The following CAMK4 variants were observed in gnomAD, a reference collection of about 807,000 sequenced individuals.
CAMK4 encodes the protein calcium/calmodulin-dependent protein kinase type IV.
In CAMK4, 22 loss-of-function variants were observed where a neutral mutation model predicts 44.9. That is an observed-to-expected ratio of 0.49 (90% CI 0.35 to 0.70). The LOEUF is 0.70. Ranked by LOEUF, CAMK4 falls within the 30% of genes least tolerant of loss-of-function variation. CAMK4 has a pLI of 0.01. For missense variants in CAMK4, 498 were observed against 586.8 expected (o/e 0.85, Z 1.56); for synonymous variants, 218 against 215.4 (o/e 1.01, Z -0.11).
chr5:111,426,925 G>C (rs1246298628), intron 5 of CAMK4, among the ~76,000 whole-genome samples: 2 of 152,258 alleles, frequency 1.3e-5, no homozygotes, highest in East Asian at 3.9e-4. Context: ...GGCAGTCTAG[G>C]CCACAAGGAC....
At chr5:111,423,310 A>G (rs1380024690) in intron 5 of CAMK4, among the ~76,000 whole-genome samples, 1 of 152,220 alleles carries the variant, frequency 6.6e-6, no homozygotes, top group African/African-American at 2.4e-5. Flanking sequence ...ATTTTGAAAA[A>G]GAAATCTAAT....
At chr5:111,351,580 ATT>A (rs879755536) in intron 2 of CAMK4, among the ~76,000 whole-genome samples, 1 of 142,968 alleles carries the variant, frequency 7.0e-6, no homozygotes, top group Non-Finnish European at 1.5e-5. Flanking sequence ...TAATTTTTGT[ATT>A]TTTTTTTTTA....
intron 5 of CAMK4, among the ~76,000 whole-genome samples, chr5:111,397,414 G>C (rs1752059791): frequency 6.6e-6 from 1 of 152,152 alleles, no homozygotes. Flanking sequence ...TGTTGTAGAT[G>C]TATGCAGACA....
At chr5:111,354,126 A>G (rs921355503) in intron 2 of CAMK4, among the ~76,000 whole-genome samples, 4 of 152,156 alleles carry the variant, frequency 2.6e-5, no homozygotes, top group African/African-American at 9.6e-5. Context: ...TAATCCTGCC[A>G]ATTGCGACAA....
At position 111,233,217 on chromosome 5, in the gene CAMK4, A is replaced by G. The variant is rs574143995; in HGVS notation, c.161+8573A>G. ...TGCATGAGAATTTCAGGTTAAAATG[A>G]TATCAAATCTTAACTTATTCAAGGA... is the stretch of plus-strand genomic sequence containing the variant. On this transcript the variant is annotated intron_variant, in intron 1 of 10. Transcript: ENST00000282356. 2.0e-5 allele frequency among the ~76,000 whole-genome samples: 3 copies of G among 152,316 alleles called. No homozygotes were observed. The South Asian group carries it at 6.2e-4, about 32-fold the overall frequency.
chr5:111,434,495 T>C (rs1295147747), intron 5 of CAMK4, among the ~76,000 whole-genome samples: 1 of 152,226 alleles, frequency 6.6e-6, no homozygotes, highest in Admixed American at 6.5e-5. Context: ...GAAGCTTGGC[T>C]ACTTTGCCCG....
rs1041307587 is a variant in CAMK4 at position 111,486,168 on chromosome 5, C to T, written c.*1702C>T. The T allele has an allele frequency of 6.6e-6, 1 of 152,140 alleles. No individual in the cohort carries two copies. The highest frequency in any genetic ancestry group is 1.5e-5 in the Non-Finnish European group (1 of 68,030). 9.4% of individuals were successfully genotyped at this position (152,140 alleles called of 1,614,324 possible). A position where few individuals can be genotyped will look rare whatever the true frequency, so the allele number is the denominator to read the frequency against. On this transcript the variant is annotated 3_prime_UTR_variant, in exon 11 of 11. Transcript: ENST00000282356. ...TTCAATCACAAATCTCTCTCTACTA[C>T]TGTTCTCATGGGAAGAAAACAAGGT...
At chr5:111,477,469 T>A (rs1483172868) in intron 8 of CAMK4, among the ~76,000 whole-genome samples, 1 of 152,178 alleles carries the variant, frequency 6.6e-6, no homozygotes, top group African/African-American at 2.4e-5. Context: ...ATGGAACACA[T>A]GCAACACATG....
chr5:111,377,591 A>G (rs776339630), intron 4 of CAMK4, among the ~76,000 whole-genome samples: 30 of 151,952 alleles, frequency 2.0e-4, no homozygotes, highest in Non-Finnish European at 3.5e-4. Context: ...AGACACACAA[A>G]CTTTATGTTT....
chr5:111,315,683 A>G (rs1378757428), intron 1 of CAMK4, among the ~76,000 whole-genome samples: 9 of 152,130 alleles, frequency 5.9e-5, no homozygotes, highest in East Asian at 5.8e-4. Flanking sequence ...TTTTACCCCA[A>G]TGTGCGTAGG....
At chr5:111,225,267 G>A (rs973915492) in intron 1 of CAMK4, among the ~76,000 whole-genome samples, 3 of 152,130 alleles carry the variant, frequency 2.0e-5, no homozygotes, top group South Asian at 2.1e-4. Context: ...TGAGAATGCT[G>A]CTGCTTCCCT....
chr5:111,295,442 C>G (rs1008168164), intron 1 of CAMK4, among the ~76,000 whole-genome samples: 2 of 152,150 alleles, frequency 1.3e-5, no homozygotes, highest in African/African-American at 2.4e-5. Flanking sequence ...TTCAAGAACT[C>G]CAGCCCTAAA....
At chr5:111,258,409 A>C (rs1749830256) in intron 1 of CAMK4, among the ~76,000 whole-genome samples, 1 of 152,150 alleles carries the variant, frequency 6.6e-6, no homozygotes, top group East Asian at 1.9e-4. Flanking sequence ...CTGGGAACAA[A>C]AAAGAAGTTT....
intron 5 of CAMK4, among the ~76,000 whole-genome samples, chr5:111,395,964 C>T (rs1751991929): frequency 6.6e-6 from 1 of 152,008 alleles, no homozygotes; most frequent in Admixed American, 6.6e-5. Flanking sequence ...TAACTAAAAT[C>T]ATTATCCAAT....
At chr5:111,478,248 A>G (rs1755315629) in intron 8 of CAMK4, 133 bp from the exon 9 acceptor site, 1 of 476,062 alleles carries the variant, frequency 2.1e-6, no homozygotes, top group Admixed American at 3.2e-5. Flanking sequence ...AGGCAGTTGC[A>G]TACTTAAGCT....
In CAMK4 at chr5:111,485,546, T is replaced by A. The variant is rs891884562; in HGVS notation, c.*1080T>A. The A allele has an allele frequency of 1.3e-5, 2 of 152,104 alleles. No individual in the cohort carries two copies. Among genetic ancestry groups the A allele is most frequent in the Non-Finnish European group, 2.9e-5 (2 of 67,984 alleles). 9.4% of individuals were successfully genotyped at this position (152,104 alleles called of 1,614,324 possible). On this transcript the variant is annotated 3_prime_UTR_variant, in exon 11 of 11. Coordinates refer to ENST00000282356, the MANE Select transcript of CAMK4 (RefSeq NM_001744.6). ...CAAAGCTCTTTTTTTATCCAATTGA[T>A]GGTTATCTACACATATCACTTATAA...
intron 9 of CAMK4, 151 bp downstream of exon 9, chr5:111,478,658 A>G (rs1218963074): frequency 4.6e-5 from 21 of 458,850 alleles, no homozygotes; most frequent in Admixed American, 7.7e-5. Context: ...TCATTAATAC[A>G]TTTTCCTTAG....
chr5:111,274,187 C>T (rs765303503), intron 1 of CAMK4, among the ~76,000 whole-genome samples: 2 of 152,114 alleles, frequency 1.3e-5, no homozygotes, highest in South Asian at 4.2e-4. Flanking sequence ...ATTCAAGTCT[C>T]TACTCAAATA....
chr5:111,355,076 T>A (rs1259614410), intron 2 of CAMK4, among the ~76,000 whole-genome samples: 2 of 152,122 alleles, frequency 1.3e-5, no homozygotes, highest in Admixed American at 6.6e-5. Flanking sequence ...GTCACCTTGG[T>A]CAGTGATGGA....
Sources: allele counts gnomAD v4.1 joint callset (sites outside exome capture counted in the v4.1 genomes callset), GRCh38; gene constraint gnomAD v4.1.1; transcripts MANE v1.5; gene names NCBI Gene and HGNC (gene_info 2026-07-23, HGNC 2026-07-21).